Variants in DLGAP2 observed in about 807,000 individuals in gnomAD.
DLGAP2 encodes the protein disks large-associated protein 2.
DLGAP2 carries 26 observed loss-of-function variants against 100.3 expected under a neutral mutation model. The ratio of observed to expected loss-of-function variants is 0.26; its 90% confidence interval spans 0.19 to 0.36. The LOEUF is 0.36. Among genes scored for constraint, DLGAP2 ranks in the 10% least tolerant of loss-of-function variants. DLGAP2 has a pLI of 1.00. For synonymous variants in DLGAP2, 886 were observed against 630.1 expected, an observed-to-expected ratio of 1.41 and a Z score of -6.08; for missense variants, 1,858 against 1,453.2, an observed-to-expected ratio of 1.28 and a Z score of -4.53.
chr8:780,659 C>G (rs78414829), intron 1 of DLGAP2, among the ~76,000 whole-genome samples: 2,050 of 152,342 alleles, frequency 0.013, 46 homozygotes, highest in African/African-American at 0.047. Flanking sequence ...AATATCCGCT[C>G]TAGTCACATG....
At position 922,635 on chromosome 8, in the gene DLGAP2, C is replaced by T. The variant is rs537803799; in HGVS notation, c.73+14669C>T. Among the ~76,000 whole-genome samples the T allele has an allele frequency of 3.9e-5, 6 of 152,280 alleles. 1 individual carries two copies. The Middle Eastern group carries it at 0.017, about 432-fold the overall frequency. Reference sequence around the variant, plus strand: ...CTGAGAAGCTTTGATTATTTGCAACCATGAACCATATCTAATAGAAATAGT... The same window carrying T: ...CTGAGAAGCTTTGATTATTTGCAACTATGAACCATATCTAATAGAAATAGT... On this transcript the variant is annotated intron_variant, in intron 2 of 14. Transcript: ENST00000637795.
At chr8:1,247,006 CT>C (rs1798920968) in intron 2 of DLGAP2, 1 of 173,860 alleles carries the variant, frequency 5.8e-6, no homozygotes, top group Admixed American at 6.5e-5. Context: ...CTGGCAAGAC[CT>C]TTGAGATCAG....
chr8:1,573,832 C>G (rs1422293416), intron 6 of DLGAP2, among the ~76,000 whole-genome samples: 1 of 152,192 alleles, frequency 6.6e-6, no homozygotes, highest in African/African-American at 2.4e-5. Flanking sequence ...CGACAGCCGG[C>G]AGACCCTAGA....
chr8:943,139 A>G (rs1004193821), intron 2 of DLGAP2, among the ~76,000 whole-genome samples: 1 of 152,070 alleles, frequency 6.6e-6, no homozygotes, highest in African/African-American at 2.4e-5. Flanking sequence ...ACAGTGAGGA[A>G]CTCTTACAAT....
intron 7 of DLGAP2, among the ~76,000 whole-genome samples, chr8:1,627,810 C>G (rs1457751816): frequency 6.6e-6 from 1 of 152,026 alleles, no homozygotes; most frequent in African/African-American, 2.4e-5. Context: ...ACCTCACATT[C>G]TCTCTGACTT....
rs4439157 is a variant in DLGAP2 at position 1,450,414 on chromosome 8, T to A, written c.107-50952T>A. On this transcript the variant is annotated intron_variant, in intron 3 of 14. Coordinates refer to ENST00000637795, the MANE Select transcript of DLGAP2 (RefSeq NM_001346810.2). Reference sequence around the variant, plus strand: ...GGTGGGCGGCCTCGGTGGCTGAGGCTGAGCTGTGAGGGTGAAGACGAGGTG... The same window carrying A: ...GGTGGGCGGCCTCGGTGGCTGAGGCAGAGCTGTGAGGGTGAAGACGAGGTG... Among the ~76,000 whole-genome samples, 128 of 18,138 alleles carry A rather than the reference T, an allele frequency of 7.1e-3. 9 individuals are homozygous for A. In the Middle Eastern group the frequency reaches 0.11, roughly 15 times the overall value. The allele number at this position is 18,138 out of a possible 152,430, so 11.9% of individuals were successfully genotyped here. A position where few individuals can be genotyped will look rare whatever the true frequency, so the allele number is the denominator to read the frequency against.
At chr8:776,616 T>C (rs185297230) in intron 1 of DLGAP2, among the ~76,000 whole-genome samples, 1 of 152,372 alleles carries the variant, frequency 6.6e-6, no homozygotes, top group African/African-American at 2.4e-5. Context: ...TACCCAGTAG[T>C]CCTTCAGGAG....
intron 2 of DLGAP2, among the ~76,000 whole-genome samples, chr8:1,218,561 G>T (rs1009021483): frequency 1.3e-5 from 2 of 152,046 alleles, no homozygotes; most frequent in African/African-American, 2.4e-5. Context: ...TTGAAGTTGA[G>T]TAATGTGATG....
At chr8:1,595,602 G>C (rs1364767940) in intron 6 of DLGAP2, among the ~76,000 whole-genome samples, 1 of 148,190 alleles carries the variant, frequency 6.7e-6, no homozygotes, top group African/African-American at 2.5e-5. Flanking sequence ...GGGAAGCGGA[G>C]CTTGCAGTGA....
intron 3 of DLGAP2, among the ~76,000 whole-genome samples, chr8:1,367,726 G>C (rs1381779785): frequency 6.6e-6 from 1 of 152,158 alleles, no homozygotes; most frequent in Non-Finnish European, 1.5e-5. Flanking sequence ...CATTTAAAAC[G>C]GTTCCCTATT....
chr8:1,411,694 G>A (rs1409231604), intron 3 of DLGAP2, among the ~76,000 whole-genome samples: 3 of 152,176 alleles, frequency 2.0e-5, no homozygotes, highest in Non-Finnish European at 4.4e-5. Flanking sequence ...CCAAGAGTAA[G>A]CATTTCACAG....
At chr8:1,003,313 C>G (rs1801014500) in intron 2 of DLGAP2, 1 of 152,418 alleles carries the variant, frequency 6.6e-6, no homozygotes, top group South Asian at 2.1e-4. Flanking sequence ...AGGTGGGCAT[C>G]TGTGCTCCTA....
chr8:1,594,544 G>C (rs529673482), intron 6 of DLGAP2, among the ~76,000 whole-genome samples: 7 of 151,966 alleles, frequency 4.6e-5, no homozygotes, highest in African/African-American at 2.4e-5. Flanking sequence ...ATTCAATCAG[G>C]ACAGCAAAAA....
chr8:1,250,598 A>G (rs1188635616), intron 2 of DLGAP2: 2 of 152,178 alleles, frequency 1.3e-5, no homozygotes, highest in African/African-American at 4.8e-5. Context: ...CAGAAGCAAT[A>G]GCTTCAGGCA....
chr8:922,139 G>C (rs1246383080), intron 2 of DLGAP2, among the ~76,000 whole-genome samples: 1 of 152,212 alleles, frequency 6.6e-6, no homozygotes, highest in East Asian at 1.9e-4. Context: ...TGTTTTCAGA[G>C]GCGCCGAGTT....
chr8:1,416,395 C>T (rs1368310049), intron 3 of DLGAP2, among the ~76,000 whole-genome samples: 6 of 152,302 alleles, frequency 3.9e-5, no homozygotes, highest in Admixed American at 2.6e-4. Context: ...TGCAGTGCAG[C>T]GATACTACAG....
At chr8:819,308 A>G (rs1370897185) in intron 1 of DLGAP2, among the ~76,000 whole-genome samples, 6 of 152,240 alleles carry the variant, frequency 3.9e-5, no homozygotes, top group Non-Finnish European at 7.3e-5. Flanking sequence ...AGGACCTTTA[A>G]GCAACATAGC....
chr8:1,574,469 C>A (rs192847276), intron 6 of DLGAP2, among the ~76,000 whole-genome samples: 1 of 152,152 alleles, frequency 6.6e-6, no homozygotes, highest in African/African-American at 2.4e-5. Flanking sequence ...CAGTTTTACG[C>A]GGCTAAACCA....
chr8:1,570,548 G>C (rs1200077263), intron 6 of DLGAP2, among the ~76,000 whole-genome samples: 3 of 152,234 alleles, frequency 2.0e-5, no homozygotes, highest in Non-Finnish European at 4.4e-5. Flanking sequence ...AGGCTCAGTT[G>C]GATTTCACAT....
Sources: gnomAD v4.1 joint callset for allele counts (sites outside exome capture counted in the v4.1 genomes callset) on GRCh38, gnomAD v4.1.1 for gene constraint, MANE v1.5 for transcripts, NCBI Gene and HGNC (gene_info 2026-07-23, HGNC 2026-07-21) for gene names.